Variants in RANBP2 observed in about 807,000 individuals in gnomAD.
RANBP2 encodes E3 SUMO-protein ligase RanBP2.
Under a neutral mutation model 303.6 loss-of-function variants are expected in RANBP2, and 57 were observed. The ratio of observed to expected loss-of-function variants is 0.19; its 90% CI spans 0.15 to 0.23. The LOEUF is 0.23. Ranked by LOEUF, RANBP2 falls within the 10% of genes least tolerant of loss-of-function variation. The pLI is 1.00. For missense variants in RANBP2, 3,138 were observed against 3,780.8 expected (o/e 0.83, Z 4.46); for synonymous variants, 1,167 against 1,301.5 (o/e 0.90, Z 2.23).
intron 28 of RANBP2, 81 bp from the exon 29 acceptor site, chr2:108,783,515 G>A: frequency 3.9e-6 from 4 of 1,029,796 alleles, no homozygotes; most frequent in Non-Finnish European, 5.8e-6. Context: ...GATGAGTTCT[G>A]TGTGTATTTT....
the RANBP2 span, among the ~76,000 whole-genome samples, chr2:109,157,200 A>G: frequency 6.6e-6 from 1 of 152,068 alleles, no homozygotes; most frequent in Admixed American, 6.5e-5. Flanking sequence ...TTGACTGGGG[A>G]TATTCACCGT....
At chr2:109,740,256 T>G in the RANBP2 span, among the ~76,000 whole-genome samples, 3 of 151,868 alleles carry the variant, frequency 2.0e-5, no homozygotes, top group African/African-American at 7.3e-5. Context: ...CAAAGTGCTG[T>G]GATTACAGGC....
chr2:109,466,412 A>T, the RANBP2 span, among the ~76,000 whole-genome samples: 1 of 151,948 alleles, frequency 6.6e-6, no homozygotes, highest in Non-Finnish European at 1.5e-5. Context: ...GTCTGTTTAG[A>T]TCTTTGCTGA....
chr2:108,887,781 T>G, the RANBP2 span, among the ~76,000 whole-genome samples: 1 of 152,112 alleles, frequency 6.6e-6, no homozygotes, highest in Non-Finnish European at 1.5e-5. Context: ...TGGTGGAGTA[T>G]TAAGGTAGAT....
At chr2:108,788,711 C>A (rs1259580497), downstream of RANBP2, 9 of 1,188,736 alleles carry the variant, frequency 7.6e-6, no homozygotes, top group Non-Finnish European at 1.0e-5. Context: ...CAGAGCGAGA[C>A]TCCGTCTCAA....
the RANBP2 span, among the ~76,000 whole-genome samples, chr2:109,620,699 C>CA: frequency 4.5e-3 from 663 of 147,998 alleles, 7 homozygotes; most frequent in African/African-American, 0.013. Flanking sequence ...GACTCTGTCT[C>CA]AAAAAAAAAA....
At chr2:109,537,443 T>C in the RANBP2 span, among the ~76,000 whole-genome samples, 1 of 152,194 alleles carries the variant, frequency 6.6e-6, no homozygotes, top group Non-Finnish European at 1.5e-5. Flanking sequence ...TTCCTTTCAT[T>C]AGCATTTTGT....
the RANBP2 span, among the ~76,000 whole-genome samples, chr2:108,983,998 C>T: frequency 1.3e-5 from 2 of 152,172 alleles, no homozygotes; most frequent in South Asian, 2.1e-4. Context: ...GGGGCGACGG[C>T]GATGTCTGTT....
chr2:109,289,325 A>G, the RANBP2 span, among the ~76,000 whole-genome samples: 1 of 151,668 alleles, frequency 6.6e-6, no homozygotes, highest in East Asian at 1.9e-4. Flanking sequence ...TTCACATCCC[A>G]TGCTCCCACA....
chr2:109,140,400 A>G, the RANBP2 span, among the ~76,000 whole-genome samples: 1 of 150,638 alleles, frequency 6.6e-6, no homozygotes, highest in Admixed American at 6.6e-5. Flanking sequence ...TTTTTTTTAG[A>G]GACGGAGTCT....
the RANBP2 span, among the ~76,000 whole-genome samples, chr2:109,698,264 C>A: frequency 5.3e-5 from 8 of 151,688 alleles, no homozygotes; most frequent in South Asian, 1.7e-3. Flanking sequence ...TCATTTTAGA[C>A]ACTGTATCAA....
chr2:108,961,393 G>T, the RANBP2 span, among the ~76,000 whole-genome samples: 1 of 152,148 alleles, frequency 6.6e-6, no homozygotes, highest in South Asian at 2.1e-4. Flanking sequence ...CCCACCACCA[G>T]TGGAGGCAGG....
At chr2:108,839,177 A>G in the RANBP2 span, 4 of 1,599,716 alleles carry the variant, frequency 2.5e-6, no homozygotes, top group African/African-American at 1.3e-5. Context: ...CCATCATTTT[A>G]TCTTTAGCTT....
At chr2:108,939,151 T>G in the RANBP2 span, among the ~76,000 whole-genome samples, 3 of 152,056 alleles carry the variant, frequency 2.0e-5, no homozygotes. Flanking sequence ...CTTCAGCACT[T>G]TAATACACAT....
chr2:109,005,131 T>C, the RANBP2 span, among the ~76,000 whole-genome samples: 1 of 152,208 alleles, frequency 6.6e-6, no homozygotes, highest in African/African-American at 2.4e-5. Context: ...ATTTGGTACC[T>C]AGAAGCTAGA....
In RANBP2 at chr2:108,736,116, T is replaced by C. The variant is rs760640664; in HGVS notation, c.649T>C (p.Ser217Pro). 27 of 1,611,730 alleles carry C rather than the reference T, an allele frequency of 1.7e-5. No homozygotes were observed. The highest frequency in any genetic ancestry group is 2.2e-5 in the Non-Finnish European group (26 of 1,179,836). ...TTCCACAAAATAGGAATATCTGGAG[T>C]CTTTACAGTGTTTGGAGTCTGATAA... is the stretch of plus-strand genomic sequence containing the variant. ...VVQTLKEYLE[S>P]LQCLESDKSD... is the part of the protein sequence containing the mutation. Residue 217 changes from serine to proline, a missense_variant, in exon 6 of 29, where the codon TCT becomes CCT. Ser to Pro is a moderately conservative substitution (Grantham distance 74). Around this residue, in one of 20 missense-constraint regions of RANBP2, gnomAD observed 306 missense variants for 381.9 expected, o/e 0.80. Coordinates refer to ENST00000283195, the MANE Select transcript of RANBP2 (RefSeq NM_006267.5).
the RANBP2 span, among the ~76,000 whole-genome samples, chr2:109,629,316 TA>T: frequency 2.9e-4 from 1 of 3,396 alleles, no homozygotes; most frequent in African/African-American, 1.1e-3. Context: ...TATATATATA[TA>T]TATATATATA....
At chr2:109,203,397 C>T in the RANBP2 span, among the ~76,000 whole-genome samples, 18 of 152,282 alleles carry the variant, frequency 1.2e-4, no homozygotes, top group Admixed American at 3.3e-4. Context: ...AGGGTGTTTC[C>T]GCGTCCCTAC....
the RANBP2 span, among the ~76,000 whole-genome samples, chr2:108,970,881 A>G: frequency 6.6e-6 from 1 of 152,204 alleles, no homozygotes; most frequent in Non-Finnish European, 1.5e-5. Context: ...ACAGGACTGA[A>G]CAAATACAAG....
Sources: allele counts gnomAD v4.1 joint callset (sites outside exome capture counted in the v4.1 genomes callset), GRCh38; gene constraint gnomAD v4.1.1; regional missense constraint gnomAD v4.1.1; transcripts MANE v1.5; gene names NCBI Gene and HGNC (gene_info 2026-07-23, HGNC 2026-07-21).